The following NTM variants were observed in gnomAD, a reference collection of about 807,000 sequenced individuals.
NTM encodes IgLON family member 2.
A neutral mutation model predicts 42.1 loss-of-function variants in NTM; 13 were observed. That is an observed-to-expected ratio of 0.31 (90% CI 0.20 to 0.49). NTM has a LOEUF of 0.49. Ranked by LOEUF, NTM falls within the 20% of genes least tolerant of loss-of-function variation. NTM has a pLI of 0.99. For synonymous variants in NTM, 187 were observed against 179.2 expected (o/e 1.04, Z -0.35); for missense variants, 373 against 452.8 (o/e 0.82, Z 1.60).
chr11:131,564,446 GAGAGAGA>G (rs2056622919), intron 1 of NTM, among the ~76,000 whole-genome samples: 1 of 124,258 alleles, frequency 8.0e-6, no homozygotes, highest in African/African-American at 3.7e-5. Flanking sequence ...TGGGTAGGGG[GAGAGAGA>G]GAGGGAGGGA....
chr11:131,772,096 A>T (rs573322257), intron 1 of NTM, among the ~76,000 whole-genome samples: 2 of 152,292 alleles, frequency 1.3e-5, no homozygotes, highest in South Asian at 4.1e-4. Flanking sequence ...TTTTGAGCTC[A>T]TGCTAGTTGC....
At chr11:132,028,868 C>T (rs934628848) in intron 2 of NTM, among the ~76,000 whole-genome samples, 1 of 152,134 alleles carries the variant, frequency 6.6e-6, no homozygotes, top group African/African-American at 2.4e-5. Flanking sequence ...TTGATCCTTA[C>T]TGTGAGAACC....
At chr11:131,664,993 C>A (rs1417516606) in intron 1 of NTM, among the ~76,000 whole-genome samples, 1 of 152,122 alleles carries the variant, frequency 6.6e-6, no homozygotes. Flanking sequence ...GAGGCAGAAC[C>A]CGCGGAACTG....
At chr11:131,860,463 G>T (rs2136949297) in intron 1 of NTM, among the ~76,000 whole-genome samples, 1 of 152,242 alleles carries the variant, frequency 6.6e-6, no homozygotes, top group East Asian at 1.9e-4. Context: ...TTCTGCCCAG[G>T]GAAGCCCAGT....
chr11:131,739,331 G>A (rs193113522), intron 1 of NTM, among the ~76,000 whole-genome samples: 8 of 152,146 alleles, frequency 5.3e-5, no homozygotes, highest in Admixed American at 2.6e-4. Flanking sequence ...ACTTTATCAC[G>A]TATGAGTATT....
chr11:131,517,312 C>G (rs1042354439), intron 1 of NTM, among the ~76,000 whole-genome samples: 2 of 152,172 alleles, frequency 1.3e-5, no homozygotes, highest in African/African-American at 4.8e-5. Context: ...ACAAAGACTC[C>G]AGGGTCTCTG....
intron 1 of NTM, among the ~76,000 whole-genome samples, chr11:131,598,797 C>A (rs1451339268): frequency 4.2e-5 from 3 of 71,800 alleles, no homozygotes; most frequent in African/African-American, 1.3e-4. Context: ...TTCTTTCTTT[C>A]TTTTTCTTTC....
intron 1 of NTM, among the ~76,000 whole-genome samples, chr11:131,816,861 C>T (rs2092973996): frequency 6.6e-6 from 1 of 151,868 alleles, no homozygotes; most frequent in Non-Finnish European, 1.5e-5. Context: ...AAACACTGGG[C>T]ACTCAACGCA....
intron 3 of NTM, among the ~76,000 whole-genome samples, chr11:132,186,120 T>A (rs1438729649): frequency 6.6e-6 from 1 of 152,190 alleles, no homozygotes; most frequent in Non-Finnish European, 1.5e-5. Context: ...CCAAGTTTGC[T>A]AAAGACGGAA....
rs962735989 is a variant in NTM at position 131,653,340 on chromosome 11, T to C, written c.83-258224T>C. Among the ~76,000 whole-genome samples the C allele has an allele frequency of 2.6e-5, 4 of 152,142 alleles. No homozygotes were observed. In the East Asian group the frequency reaches 7.7e-4, roughly 29 times the overall value. ...TGGAAAGACAACCTCACAGTCTTCC[T>C]TGCTTCCAGGGGAGGACGGACATCA... On this transcript the variant is annotated intron_variant, in intron 1 of 8. Transcript: ENST00000683400.
At chr11:131,887,310 GA>G (rs1228151985) in intron 1 of NTM, among the ~76,000 whole-genome samples, 4 of 152,238 alleles carry the variant, frequency 2.6e-5, no homozygotes, top group Admixed American at 6.5e-5. Flanking sequence ...TGAAGAAAAT[GA>G]AAAGACTGAG....
intron 7 of NTM, among the ~76,000 whole-genome samples, chr11:132,317,478 T>C (rs999812028): frequency 9.9e-5 from 15 of 152,092 alleles, no homozygotes; most frequent in Non-Finnish European, 1.9e-4. Context: ...TGTCAGCGTT[T>C]CTCTTGCCGC....
rs545634192 is a variant in NTM at position 131,999,122 on chromosome 11, C to T, written c.167+87474C>T. Among the ~76,000 whole-genome samples, 7 of 152,228 alleles carry T rather than the reference C, an allele frequency of 4.6e-5. No individual in the cohort carries two copies. In the East Asian group the frequency reaches 1.4e-3, roughly 30 times the overall value. On this transcript the variant is annotated intron_variant, in intron 2 of 8. Coordinates refer to ENST00000683400, the MANE Select transcript of NTM (RefSeq NM_001352005.2). ...AACCATTACCATCGTGTGTGCTCTT[C>T]CTTCGCAGGTGGAGAAAGCTTTCAG...
chr11:131,686,244 A>T (rs2073857146), intron 1 of NTM, among the ~76,000 whole-genome samples: 1 of 152,212 alleles, frequency 6.6e-6, no homozygotes. Context: ...CTTAGTTGAA[A>T]ATTCATGTAT....
At chr11:132,140,554 C>T (rs1330089348) in intron 2 of NTM, among the ~76,000 whole-genome samples, 1 of 152,172 alleles carries the variant, frequency 6.6e-6, no homozygotes, top group East Asian at 1.9e-4. Context: ...AACTTCCACA[C>T]AAGTTTAGAG....
At chr11:132,219,636 C>T (rs559117923) in intron 4 of NTM, among the ~76,000 whole-genome samples, 1 of 152,040 alleles carries the variant, frequency 6.6e-6, no homozygotes, top group Non-Finnish European at 1.5e-5. Flanking sequence ...CCCTCCCCCC[C>T]CACTGTCTTC....
At chr11:131,763,126 C>G (rs575762090) in intron 1 of NTM, among the ~76,000 whole-genome samples, 1 of 152,200 alleles carries the variant, frequency 6.6e-6, no homozygotes, top group African/African-American at 2.4e-5. Context: ...GATGGTGCCC[C>G]CACACCAGAT....
intron 4 of NTM, among the ~76,000 whole-genome samples, chr11:132,212,664 G>A (rs746155948): frequency 1.3e-5 from 2 of 152,162 alleles, no homozygotes; most frequent in East Asian, 1.9e-4. Context: ...CTTAATATGT[G>A]ACTAAATTGC....
intron 1 of NTM, among the ~76,000 whole-genome samples, chr11:131,381,177 T>C (rs753252746): frequency 1.4e-4 from 21 of 152,112 alleles, no homozygotes; most frequent in Non-Finnish European, 4.4e-5. Context: ...GAGGGAAGAA[T>C]GGGGACAGGG....
Sources: gnomAD v4.1 joint callset for allele counts (sites outside exome capture counted in the v4.1 genomes callset) on GRCh38, gnomAD v4.1.1 for gene constraint, MANE v1.5 for transcripts, NCBI Gene and HGNC (gene_info 2026-07-23, HGNC 2026-07-21) for gene names.